Variants in VRK3 observed in about 807,000 individuals in gnomAD.
VRK3 encodes VRK serine/threonine kinase 3, also known as serine/threonine-protein kinase VRK3.
A neutral mutation model predicts 60.4 loss-of-function variants in VRK3; 50 were observed. That is an observed-to-expected ratio of 0.83 (90% CI 0.66 to 1.05). The LOEUF (loss-of-function observed/expected upper bound fraction) is 1.05, where lower values mean the gene tolerates loss of function less well. Among genes scored for constraint, VRK3 ranks in the 50% least tolerant of loss-of-function variants. The pLI, the probability that VRK3 is intolerant of heterozygous loss-of-function variation, is 0.00. For synonymous variants in VRK3, 246 were observed against 227.8 expected (o/e 1.08, Z -0.72); for missense variants, 549 against 585.3 (o/e 0.94, Z 0.64).
In VRK3 at chr19:49,981,238, T is replaced by A. The variant is rs2076416919; in HGVS notation, c.1218-225A>T. 5 of 572,740 alleles carry A rather than the reference T, an allele frequency of 8.7e-6. No homozygotes were observed. In the Admixed American group the frequency reaches 1.5e-4, roughly 17 times the overall value. 35.5% of individuals were successfully genotyped at this position (572,740 alleles called of 1,614,324 possible). A position where few individuals can be genotyped will look rare whatever the true frequency, so the allele number is the denominator to read the frequency against. ...TTCCTGCAAGCCTCTGGCCACACGA[T>A]TTTCCCCGATCAATACACCTTGTTT... On this transcript the variant is annotated intron_variant, in intron 12 of 14. Transcript: ENST00000316763.
At chr19:49,989,011 G>C (rs2076565121) in intron 11 of VRK3, among the ~76,000 whole-genome samples, 1 of 152,116 alleles carries the variant, frequency 6.6e-6, no homozygotes, top group African/African-American at 2.4e-5. Flanking sequence ...GCTTAATTTA[G>C]ACAACGCTTT....
intron 5 of VRK3, among the ~76,000 whole-genome samples, chr19:50,003,939 G>A (rs10411332): frequency 0.052 from 7,995 of 152,318 alleles, 692 homozygotes; most frequent in African/African-American, 0.18. Context: ...CAGTGCTCAC[G>A]CCTATAATCC....
chr19:49,992,113 A>C (rs2076621859), intron 10 of VRK3, among the ~76,000 whole-genome samples: 1 of 152,208 alleles, frequency 6.6e-6, no homozygotes, highest in Non-Finnish European at 1.5e-5. Context: ...GGATCAAAAA[A>C]CAGGTGCATT....
chr19:49,995,159 C>G (rs149272924), intron 8 of VRK3, 32 bp downstream of exon 8: 25 of 1,607,774 alleles, frequency 1.6e-5, no homozygotes, highest in Non-Finnish European at 1.9e-5. Context: ...GGAAAGAGGC[C>G]GGTGAGGCAA....
chr19:50,017,774 A>C (rs1018608707), intron 2 of VRK3, among the ~76,000 whole-genome samples: 4 of 152,032 alleles, frequency 2.6e-5, no homozygotes, highest in African/African-American at 9.7e-5. Flanking sequence ...GGGCTCAAGC[A>C]ATCTTCCCAG....
intron 1 of VRK3, among the ~76,000 whole-genome samples, chr19:50,023,640 C>A (rs2077206682): frequency 6.6e-6 from 1 of 152,196 alleles, no homozygotes; most frequent in South Asian, 2.1e-4. Context: ...GTGCCCAGAG[C>A]CTCAAACAGG....
chr19:50,020,973 C>G (rs1351800975), intron 1 of VRK3, among the ~76,000 whole-genome samples: 2 of 152,164 alleles, frequency 1.3e-5, no homozygotes, highest in Non-Finnish European at 2.9e-5. Context: ...TAGAAGAAAA[C>G]AGGATGCCAC....
chr19:49,995,047 C>G lies in VRK3; in HGVS notation c.765-128G>C, dbSNP rs1185266110. On this transcript the variant is annotated intron_variant, in intron 8 of 14. Transcript: ENST00000316763. Reference sequence around the variant, plus strand: ...AGGTGAGATCAAAGGTTCTGACTGGCTGGGCAGCAAACTAGGTCAAAACTA... The same window carrying G: ...AGGTGAGATCAAAGGTTCTGACTGGGTGGGCAGCAAACTAGGTCAAAACTA... 35 of 1,267,400 alleles carry G rather than the reference C, an allele frequency of 2.8e-5. No homozygotes were observed. The South Asian group carries it at 4.4e-4, about 16-fold the overall frequency. 78.5% of individuals were successfully genotyped at this position (1,267,400 alleles called of 1,614,324 possible). A position where few individuals can be genotyped will look rare whatever the true frequency, so the allele number is the denominator to read the frequency against.
Position 49,989,524 on chromosome 19 carries a change from C to T in VRK3, c.1096+115G>A, listed in dbSNP as rs138030014. 2.1e-3 allele frequency: 2,895 copies of T among 1,376,742 alleles called. 2 individuals are homozygous for T. The highest frequency in any genetic ancestry group is 2.6e-3 in the Non-Finnish European group (2,663 of 1,037,526). The allele number at this position is 1,376,742 out of a possible 1,614,324, so 85.3% of individuals were successfully genotyped here. A position where few individuals can be genotyped will look rare whatever the true frequency, so the allele number is the denominator to read the frequency against. On this transcript the variant is annotated intron_variant, in intron 11 of 14. Transcript: ENST00000316763. ...TCTGTGGTTCCAATCCCTGTCCTGG[C>T]GCCCTTAGTGCCTCTCCTGTCTGGC...
intron 6 of VRK3, chr19:50,000,540 T>C (rs2076786345): frequency 3.7e-6 from 2 of 546,136 alleles, no homozygotes; most frequent in African/African-American, 3.8e-5. Flanking sequence ...CTGAGGGGGA[T>C]GGGCTTGCCC....
chr19:50,016,282 CTG>C, intron 2 of VRK3, 119 bp from the exon 3 acceptor site: 2 of 1,334,678 alleles, frequency 1.5e-6, no homozygotes, highest in Non-Finnish European at 2.1e-6. Flanking sequence ...GGGTCTTCAA[CTG>C]TTTGTGATGT....
intron 12 of VRK3, chr19:49,981,715 G>T (rs2076425239): frequency 1.0e-6 from 1 of 1,000,814 alleles, no homozygotes. Flanking sequence ...TGGAAATAAA[G>T]ATTTTATTAC....
chr19:49,986,267 T>C (rs113133047), intron 12 of VRK3: 6 of 152,676 alleles, frequency 3.9e-5, no homozygotes, highest in Non-Finnish European at 8.8e-5. Context: ...AAACATAACA[T>C]TGAGTGAAAG....
chr19:50,003,229 G>A (rs1278454953), intron 5 of VRK3, among the ~76,000 whole-genome samples: 4 of 152,076 alleles, frequency 2.6e-5, no homozygotes, highest in African/African-American at 4.8e-5. Flanking sequence ...TCTCCCCTCC[G>A]GCCTCCAGAA....
At chr19:49,991,518 T>TACACACACACACACACACACACACAC (rs937491646) in intron 10 of VRK3, among the ~76,000 whole-genome samples, 16 of 150,828 alleles carry the variant, frequency 1.1e-4, no homozygotes, top group African/African-American at 3.4e-4. Context: ...AATAAATCTC[T>TACACACACACACACACACACACACAC]ACACACACAC....
At chr19:50,005,150 A>G (rs1332645901) in intron 5 of VRK3, among the ~76,000 whole-genome samples, 2 of 149,006 alleles carry the variant, frequency 1.3e-5, no homozygotes, top group Non-Finnish European at 2.9e-5. Context: ...CCCAGGAGAC[A>G]GGGGACAAGG....
At chr19:49,993,143 C>T (rs1450140240) in intron 9 of VRK3, among the ~76,000 whole-genome samples, 191 bp from the exon 10 acceptor site, 6 of 152,220 alleles carry the variant, frequency 3.9e-5, no homozygotes, top group Admixed American at 2.6e-4. Flanking sequence ...CGCCTCTAAT[C>T]AGGCTCTCAG....
At chr19:49,985,288 G>A (rs1286867943) in intron 12 of VRK3, among the ~76,000 whole-genome samples, 1 of 152,222 alleles carries the variant, frequency 6.6e-6, no homozygotes, top group Non-Finnish European at 1.5e-5. Context: ...GTTAAAGCTA[G>A]AGAGTAAGTG....
rs907771723 is a variant in VRK3 at position 50,025,327 on chromosome 19, C to T, written c.-125G>A. On this transcript the variant is annotated 5_prime_UTR_variant, in exon 1 of 15. Transcript: ENST00000316763. ...TCTGCAGCCTGACCCTCGGATCCTC[C>T]GCAGTTACCCGGACTCACCTTCTCA... is the stretch of plus-strand genomic sequence containing the variant. The T allele has an allele frequency of 1.3e-5, 2 of 152,334 alleles. No homozygotes were observed. Among genetic ancestry groups the T allele is most frequent in the African/African-American group, 2.4e-5 (1 of 41,472 alleles). The allele number at this position is 152,334 out of a possible 1,614,324, so 9.4% of individuals were successfully genotyped here. A position where few individuals can be genotyped will look rare whatever the true frequency, so the allele number is the denominator to read the frequency against.
Sources: allele counts gnomAD v4.1 joint callset (sites outside exome capture counted in the v4.1 genomes callset), GRCh38; gene constraint gnomAD v4.1.1; transcripts MANE v1.5; gene names NCBI Gene and HGNC (gene_info 2026-07-23, HGNC 2026-07-21).